NBPF3: variants seen among roughly 807,000 people sequenced by gnomAD.
NBPF3 encodes the protein NBPF family member NBPF3.
In NBPF3, 57 loss-of-function variants were observed where a neutral mutation model predicts 78.1. That is an observed-to-expected ratio of 0.73 (90% CI 0.59 to 0.91). NBPF3 has a LOEUF of 0.91. Among genes scored for constraint, NBPF3 ranks in the 40% least tolerant of loss-of-function variants. The pLI, the probability that NBPF3 is intolerant of heterozygous loss-of-function variation, is 0.00. For missense variants in NBPF3, 510 were observed against 715.3 expected (o/e 0.71, Z 3.27); for synonymous variants, 182 against 271.7 (o/e 0.67, Z 3.25).
At chr1:21,456,596 A>G (rs1209417137) in intron 2 of NBPF3, among the ~76,000 whole-genome samples, 1 of 152,156 alleles carries the variant, frequency 6.6e-6, no homozygotes, top group African/African-American at 2.4e-5. Context: ...AAAAGAGAAA[A>G]ACCGTATGAT....
intron 2 of NBPF3, among the ~76,000 whole-genome samples, chr1:21,465,783 C>G (rs1170541113): frequency 1.3e-5 from 2 of 152,162 alleles, no homozygotes; most frequent in Non-Finnish European, 2.9e-5. Flanking sequence ...GAAAAAGAAT[C>G]GTACTGCTAA....
At chr1:21,445,990 GA>G (rs1640947722) in intron 2 of NBPF3, 1 of 152,522 alleles carries the variant, frequency 6.6e-6, no homozygotes, top group South Asian at 2.1e-4. Flanking sequence ...GGGGGAGAAA[GA>G]AAGGGGCATG....
At chr1:21,463,874 A>AG (rs1642100285) in intron 2 of NBPF3, among the ~76,000 whole-genome samples, 1 of 152,248 alleles carries the variant, frequency 6.6e-6, no homozygotes. Flanking sequence ...TTTCGTCATT[A>AG]GGAAAATGTA....
chr1:21,473,020 C>G (rs1642688222), intron 6 of NBPF3, 105 bp downstream of exon 6: 1 of 889,000 alleles, frequency 1.1e-6, no homozygotes, highest in South Asian at 1.4e-5. Context: ...CCTGCATTCC[C>G]TTGGCCACAG....
At chr1:21,453,983 C>T (rs1328503554) in intron 2 of NBPF3, 1 of 152,208 alleles carries the variant, frequency 6.6e-6, no homozygotes, top group East Asian at 1.9e-4. Context: ...TGGATTCTGG[C>T]TCTGAAGAAT....
chr1:21,468,335 G>GTACC, intron 2 of NBPF3: 1 of 1,119,788 alleles, frequency 8.9e-7, no homozygotes, highest in Non-Finnish European at 1.1e-6. Context: ...TGACCCTCAG[G>GTACC]TGAGACGAGG....
rs1226549809 is a variant in NBPF3 at position 21,460,112 on chromosome 1, C to T, written c.134-8576C>T. The T allele has an allele frequency of 9.9e-6, 1 of 101,508 alleles. No homozygotes were observed. Among genetic ancestry groups the T allele is most frequent in the Non-Finnish European group, 2.3e-5 (1 of 44,188 alleles). 6.3% of individuals were successfully genotyped at this position (101,508 alleles called of 1,614,324 possible). ...GCGCGGCTGCGGGGGCTCCTCTGGTCGCTGCTGCTGGGGCCGCCTGGGCTG... is the reference window on the plus strand; with the variant it reads ...GCGCGGCTGCGGGGGCTCCTCTGGTTGCTGCTGCTGGGGCCGCCTGGGCTG... On this transcript the variant is annotated intron_variant, in intron 2 of 14. Coordinates refer to ENST00000318249, the MANE Select transcript of NBPF3 (RefSeq NM_032264.6). The surrounding 1 kb of genome is among the most constrained non-coding windows in gnomAD (Gnocchi z 4.2).
chr1:21,447,759 C>G (rs953565066), intron 2 of NBPF3, among the ~76,000 whole-genome samples: 26 of 152,134 alleles, frequency 1.7e-4, no homozygotes, highest in African/African-American at 5.8e-4. Context: ...GTGACAGTAC[C>G]CTTTTGATTT....
chr1:21,467,168 C>T (rs1316351603), intron 2 of NBPF3: 15 of 985,122 alleles, frequency 1.5e-5, no homozygotes, highest in African/African-American at 1.7e-5. Flanking sequence ...CGTCTTAAAG[C>T]GGTTTCCTTA....
rs531787395 is a variant in NBPF3 at position 21,462,962 on chromosome 1, C to T, written c.134-5726C>T. Among the ~76,000 whole-genome samples, 8 of 152,152 alleles carry T rather than the reference C, an allele frequency of 5.3e-5. No individual in the cohort carries two copies. The East Asian group carries it at 1.5e-3, about 29-fold the overall frequency. ...TATTGACACTGAACTCTCCTTTATC[C>T]ATGTTAAAATTGTAGATAAACAACA... is the stretch of plus-strand genomic sequence containing the variant. On this transcript the variant is annotated intron_variant, in intron 2 of 14. Coordinates refer to ENST00000318249, the MANE Select transcript of NBPF3 (RefSeq NM_032264.6).
intron 2 of NBPF3, among the ~76,000 whole-genome samples, chr1:21,467,721 C>A (rs1487266173): frequency 6.6e-6 from 1 of 152,178 alleles, no homozygotes; most frequent in East Asian, 1.9e-4. Flanking sequence ...TTCAGGAGAT[C>A]TCTATATAAA....
chr1:21,453,236 T>C (rs1024427710), intron 2 of NBPF3: 3 of 152,154 alleles, frequency 2.0e-5, no homozygotes, highest in African/African-American at 7.2e-5. Flanking sequence ...GTGAGGTCTG[T>C]ATTTCTTCCC....
chr1:21,440,465 T>C (rs1010978465), intron 1 of NBPF3, 117 bp downstream of exon 1: 1 of 34,520 alleles, frequency 2.9e-5, no homozygotes, highest in African/African-American at 1.1e-4. Flanking sequence ...GGGTGGGAGG[T>C]GGGGGGTGTG....
intron 2 of NBPF3, among the ~76,000 whole-genome samples, chr1:21,452,913 TG>T (rs1389868926): frequency 6.6e-6 from 1 of 152,238 alleles, no homozygotes; most frequent in African/African-American, 2.4e-5. Context: ...ATAATACAGC[TG>T]TTGGAACCAC....
chr1:21,445,724 A>G (rs547836355), intron 2 of NBPF3, among the ~76,000 whole-genome samples: 1 of 152,278 alleles, frequency 6.6e-6, no homozygotes, highest in East Asian at 1.9e-4. Context: ...AACATGGCTC[A>G]GTTGCCAGTA....
At chr1:21,461,871 A>G (rs2147953397) in intron 2 of NBPF3, among the ~76,000 whole-genome samples, 1 of 152,308 alleles carries the variant, frequency 6.6e-6, no homozygotes, top group East Asian at 1.9e-4. Flanking sequence ...TGTGGTCCCC[A>G]GTGTCGGAGG....
In NBPF3 at chr1:21,468,737, C is replaced by G. The variant is rs149139864; in HGVS notation, c.183C>G (p.Ala61=). The G allele has an allele frequency of 6.2e-7, 1 of 1,613,472 alleles. No individual in the cohort carries two copies. The highest frequency in any genetic ancestry group is 1.3e-5 in the African/African-American group (1 of 74,894). The change falls in exon 3 of 15, where the codon GCC becomes GCG. Residue 61 remains alanine, a synonymous_variant. Coordinates refer to ENST00000318249, the MANE Select transcript of NBPF3 (RefSeq NM_032264.6). ...CAAACGTCAGCATGGTGGTATCTGC[C>G]GGCCCTTGGTCCGGTGAGAAGGCAG... ...SATNVSMVVS[A]GPWSGEKAEM...
chr1:21,470,024 A>AGT (rs1553394766), intron 3 of NBPF3, among the ~76,000 whole-genome samples: 1 of 151,946 alleles, frequency 6.6e-6, no homozygotes, highest in South Asian at 2.1e-4. Context: ...CAGAGTTAAC[A>AGT]CTCTGTTAGT....
chr1:21,482,059 G>A (rs1471605065), intron 13 of NBPF3, among the ~76,000 whole-genome samples: 1 of 149,440 alleles, frequency 6.7e-6, no homozygotes, highest in Non-Finnish European at 1.5e-5. Flanking sequence ...CTATGATTTT[G>A]ACTCAAGGGT....
Sources: gnomAD v4.1 joint callset for allele counts (sites outside exome capture counted in the v4.1 genomes callset) on GRCh38, gnomAD v4.1.1 for gene constraint, Gnocchi (gnomAD v3.1) non-coding constraint, MANE v1.5 for transcripts, NCBI Gene and HGNC (gene_info 2026-07-23, HGNC 2026-07-21) for gene names.